The following FADS6 variants were observed in gnomAD, a reference collection of about 807,000 sequenced individuals.
FADS6 encodes fatty acid desaturase domain family, member 6.
A neutral mutation model predicts 31.7 loss-of-function variants in FADS6; 28 were observed. The observed-to-expected ratio is 0.88, with a 90% CI of 0.66 to 1.21. The LOEUF is 1.21. Among genes scored for constraint, FADS6 ranks in the 50% most tolerant of loss-of-function variants. The probability of loss-of-function intolerance (pLI) is 0.00; values close to 1 mark genes in which losing one functional copy is unlikely to be tolerated. For missense variants in FADS6, 494 were observed against 504.2 expected (o/e 0.98, Z 0.19); for synonymous variants, 191 against 213.1 (o/e 0.90, Z 0.90).
intron 2 of FADS6, among the ~76,000 whole-genome samples, chr17:74,887,853 CT>C (rs1332232634): frequency 6.6e-6 from 1 of 152,034 alleles, no homozygotes; most frequent in Non-Finnish European, 1.5e-5. Context: ...GCCCGGCTAC[CT>C]TTTTTCATAT....
downstream of FADS6, among the ~76,000 whole-genome samples, chr17:74,875,595 A>G (rs148310202): frequency 4.6e-5 from 7 of 152,288 alleles, no homozygotes; most frequent in Non-Finnish European, 7.3e-5. Flanking sequence ...ATCAATAACA[A>G]TGAGTCATTG....
chr17:74,875,772 T>G (rs772667722), downstream of FADS6, among the ~76,000 whole-genome samples: 1 of 152,166 alleles, frequency 6.6e-6, no homozygotes, highest in East Asian at 1.9e-4. Flanking sequence ...CAATAACATA[T>G]AGCAAAGCAG....
rs776406127 is a variant in FADS6, at chr17:74,893,509, C to A, written c.87G>T (p.Glu29Asp). The A allele has an allele frequency of 6.4e-7, 1 of 1,569,388 alleles. No individual in the cohort carries two copies. Among genetic ancestry groups the A allele is most frequent in the African/African-American group, 1.4e-5 (1 of 71,106 alleles). The change falls in exon 1 of 6, where the codon GAG (glutamate) becomes GAT (aspartate). Residue 29 changes from glutamate to aspartate, a missense_variant. This residue lies in a region of FADS6 where 40 missense variants were observed against 65.7 expected (regional missense o/e 0.61). Transcript: ENST00000612771. ...GCGCGCTCCGCGCCGGTTCCATGGG[C>A]TCCGTAGGTTCCATGGGCTCCGTAG... ...MEPTEPMEPT[E>D]PMEPARSAHR...
chr17:74,884,678 G>A (rs1260653985), intron 2 of FADS6, among the ~76,000 whole-genome samples: 1 of 151,446 alleles, frequency 6.6e-6, no homozygotes, highest in Non-Finnish European at 1.5e-5. Flanking sequence ...AGCGAGACGG[G>A]GATAGGGGTG....
At chr17:74,888,203 G>C (rs1484992548) in intron 2 of FADS6, among the ~76,000 whole-genome samples, 1 of 151,010 alleles carries the variant, frequency 6.6e-6, no homozygotes, top group Admixed American at 6.6e-5. Flanking sequence ...CCTTGGTTTT[G>C]ATATTGAATG....
intron 2 of FADS6, among the ~76,000 whole-genome samples, chr17:74,885,542 T>A (rs1359967063): frequency 7.2e-5 from 11 of 152,062 alleles, no homozygotes; most frequent in Admixed American, 7.2e-4. Flanking sequence ...CCGGAAGCCC[T>A]CCTGCCAGAC....
chr17:74,887,357 A>G (rs565430341), intron 2 of FADS6, among the ~76,000 whole-genome samples: 58 of 152,218 alleles, frequency 3.8e-4, no homozygotes, highest in Admixed American at 3.1e-3. Context: ...GGTGGTGGGA[A>G]CCACTGGGCC....
chr17:74,879,479 C>A lies in FADS6; in HGVS notation c.885G>T (p.Ala295=), dbSNP rs374369095. 12 of 1,613,962 alleles carry A rather than the reference C, an allele frequency of 7.4e-6. No individual in the cohort carries two copies. The highest frequency in any genetic ancestry group is 1.7e-4 in the Middle Eastern group (1 of 6,054). ...GGCAGCTGATGATCGAGTGGCCGAACGCCCAGTCCAGCACGGGCAGCCGGG... is the reference window on the plus strand; with the variant it reads ...GGCAGCTGATGATCGAGTGGCCGAAAGCCCAGTCCAGCACGGGCAGCCGGG... ...NLARLPVLDW[A]FGHSIISCHV... Residue 295 remains alanine (A), a synonymous_variant, in exon 5 of 6, where the codon GCG becomes GCT. Transcript: ENST00000612771.
intron 2 of FADS6, among the ~76,000 whole-genome samples, chr17:74,887,540 C>T: frequency 6.6e-6 from 1 of 152,246 alleles, no homozygotes; most frequent in East Asian, 1.9e-4. Context: ...GCACAAGTGG[C>T]TTAAACTCCC....
chr17:74,892,767 TG>T (rs2038705349), intron 1 of FADS6, 78 bp from the exon 2 acceptor site: 1 of 1,409,008 alleles, frequency 7.1e-7, no homozygotes, highest in Non-Finnish European at 9.5e-7. Flanking sequence ...ACCCTTACCC[TG>T]GGAGCCCAGG....
rs1395517862 is a variant in FADS6 at position 74,877,359 on chromosome 17, A to C, written c.*972T>G. ...TTATTTTTTTATTTTTTTGAGATGG[A>C]GTCTCGCTCTGTCACCCAGGCTGGA... is the stretch of plus-strand genomic sequence containing the variant. On this transcript the variant is annotated 3_prime_UTR_variant, in exon 6 of 6. Transcript: ENST00000612771. 6.8e-6 allele frequency: 1 copy of C among 147,534 alleles called. No homozygotes were observed. Among genetic ancestry groups the C allele is most frequent in the Non-Finnish European group, 1.5e-5 (1 of 67,234 alleles). 9.1% of individuals were successfully genotyped at this position (147,534 alleles called of 1,614,324 possible). A position where few individuals can be genotyped will look rare whatever the true frequency, so the allele number is the denominator to read the frequency against.
chr17:74,889,949 G>A (rs1366714092), intron 2 of FADS6, among the ~76,000 whole-genome samples: 1 of 148,600 alleles, frequency 6.7e-6, no homozygotes, highest in Non-Finnish European at 1.5e-5. Context: ...ATTAACTCCA[G>A]AGAAAGAAAG....
At position 74,882,672 on chromosome 17, in the gene FADS6, C is replaced by A; in HGVS notation, c.450G>T (p.Gly150=). Residue 150 remains glycine (G), a synonymous_variant, in exon 3 of 6, where the codon GGG becomes GGT. Transcript: ENST00000612771. ...TAFTAEHATH[G]HVKMHHAYTN... ...TGTAGGCATGGTGCATCTTGACGTG[C>A]CCATGCGTGGCGTGCTCTGCAGTGA... 1 of 1,611,276 alleles carries A rather than the reference C, an allele frequency of 6.2e-7. No homozygotes were observed. The highest frequency in any genetic ancestry group is 8.5e-7 in the Non-Finnish European group (1 of 1,179,058).
At chr17:74,882,950 G>A in intron 2 of FADS6, 1 of 1,132,174 alleles carries the variant, frequency 8.8e-7, no homozygotes, top group Non-Finnish European at 1.2e-6. Flanking sequence ...AGCATTTGGG[G>A]GTGGGAGGCT....
At chr17:74,892,861 C>T (rs1253259555) in intron 1 of FADS6, among the ~76,000 whole-genome samples, 172 bp from the exon 2 acceptor site, 2 of 152,158 alleles carry the variant, frequency 1.3e-5, no homozygotes, top group African/African-American at 4.8e-5. Flanking sequence ...CAGGACTGCC[C>T]CTCCAGCGGT....
intron 4 of FADS6, 21 bp downstream of exon 4, chr17:74,881,047 C>T (rs1161527880): frequency 5.0e-6 from 8 of 1,604,894 alleles, no homozygotes; most frequent in Non-Finnish European, 6.0e-6. Flanking sequence ...TGCCCAGCGC[C>T]CCAGGTTGGG....
chr17:74,884,606 G>A (rs924231159), intron 2 of FADS6, among the ~76,000 whole-genome samples: 9 of 152,288 alleles, frequency 5.9e-5, no homozygotes, highest in African/African-American at 1.9e-4. Flanking sequence ...CGTGACAACC[G>A]TGGCAGAAGT....
At chr17:74,887,809 C>T (rs9895501) in intron 2 of FADS6, among the ~76,000 whole-genome samples, 4,296 of 152,328 alleles carry the variant, frequency 0.028, 168 homozygotes, top group African/African-American at 0.098. Context: ...CCTCAGCCTC[C>T]TGAGTAGCTG....
intron 2 of FADS6, among the ~76,000 whole-genome samples, chr17:74,891,737 T>C (rs913360556): frequency 1.3e-5 from 2 of 152,166 alleles, no homozygotes; most frequent in African/African-American, 4.8e-5. Context: ...TATATAAAGT[T>C]ATATAACTTT....
Sources: allele counts gnomAD v4.1 joint callset (sites outside exome capture counted in the v4.1 genomes callset), GRCh38; gene constraint gnomAD v4.1.1; regional missense constraint gnomAD v4.1.1; transcripts MANE v1.5; gene names NCBI Gene and HGNC (gene_info 2026-07-23, HGNC 2026-07-21).